ACKR2: variants seen among roughly 807,000 people sequenced by gnomAD.
ACKR2 encodes atypical chemokine receptor 2.
For missense variants in ACKR2, 457 were observed against 477.3 expected, an observed-to-expected ratio of 0.96 and a Z score of 0.40; for synonymous variants, 207 against 192.2, an observed-to-expected ratio of 1.08 and a Z score of -0.64.
At chr3:42,861,275 A>C (rs1485588510) in intron 2 of ACKR2, among the ~76,000 whole-genome samples, 3 of 152,202 alleles carry the variant, frequency 2.0e-5, no homozygotes, top group African/African-American at 7.2e-5. Context: ...GAAATGGATA[A>C]ATTCCTGGAC....
chr3:42,810,772 C>A (rs1453825214), intron 1 of ACKR2, among the ~76,000 whole-genome samples: 1 of 152,226 alleles, frequency 6.6e-6, no homozygotes, highest in Non-Finnish European at 1.5e-5. Context: ...CACCCCTCTG[C>A]GCAAAAGTAA....
rs551444331 is a variant in ACKR2, at chr3:42,865,586, A to C, written c.1084A>C (p.Met362Leu). The C allele has an allele frequency of 3.7e-6, 6 of 1,614,052 alleles. No individual in the cohort carries two copies. Among genetic ancestry groups the C allele is most frequent in the Non-Finnish European group, 5.1e-6 (6 of 1,180,038 alleles). The change falls in exon 3 of 3, where the codon ATG becomes CTG. Residue 362 changes from methionine (M) to leucine (L), a missense_variant. Physicochemically the swap from Met to Leu is conservative, Grantham distance 15. Transcript: ENST00000422265. The part of the protein sequence containing the change: ...ILTAQEEMTG[M>L]NDLGERQSEN... ...TACTGCCCAAGAGGAAATGACTGGC[A>C]TGAATGACCTTGGAGAGAGGCAGTC...
intron 2 of ACKR2, among the ~76,000 whole-genome samples, chr3:42,849,179 G>A (rs1701127075): frequency 6.6e-6 from 1 of 152,152 alleles, no homozygotes; most frequent in African/African-American, 2.4e-5. Flanking sequence ...TTCTTAGTCA[G>A]TACTGTGATT....
At chr3:42,850,111 G>A (rs148767307) in intron 2 of ACKR2, among the ~76,000 whole-genome samples, 18 of 152,202 alleles carry the variant, frequency 1.2e-4, no homozygotes, top group Admixed American at 5.9e-4. Context: ...GGGAGGGACC[G>A]AGGACCCTGT....
intron 2 of ACKR2, chr3:42,856,446 G>C (rs948304276): frequency 1.4e-6 from 1 of 700,264 alleles, no homozygotes; most frequent in East Asian, 2.7e-5. Flanking sequence ...CTGAGGACCC[G>C]AGTCAACATT....
intron 1 of ACKR2, among the ~76,000 whole-genome samples, chr3:42,810,613 T>G (rs146098996): frequency 1.3e-5 from 2 of 152,158 alleles, no homozygotes; most frequent in African/African-American, 4.8e-5. Context: ...CTAAAAAAAA[T>G]CGAATGTTTA....
At chr3:42,815,405 AG>A (rs1282963644) in intron 1 of ACKR2, among the ~76,000 whole-genome samples, 1 of 152,204 alleles carries the variant, frequency 6.6e-6, no homozygotes, top group East Asian at 1.9e-4. Context: ...AGAATTGGCT[AG>A]GGGCCAGGCC....
chr3:42,849,356 GC>G (rs1463488612), intron 2 of ACKR2, among the ~76,000 whole-genome samples: 2 of 152,034 alleles, frequency 1.3e-5, no homozygotes, highest in African/African-American at 4.8e-5. Flanking sequence ...ACAAAGATTA[GC>G]CGGGCATGGT....
At chr3:42,864,413 G>A in intron 2 of ACKR2, 53 bp from the exon 3 acceptor site, 1 of 1,482,158 alleles carries the variant, frequency 6.7e-7, no homozygotes, top group Non-Finnish European at 9.0e-7. Context: ...CAGCAAAAGT[G>A]GGTTTAGAGA....
At chr3:42,833,805 C>T (rs2125609887) in intron 2 of ACKR2, among the ~76,000 whole-genome samples, 1 of 152,100 alleles carries the variant, frequency 6.6e-6, no homozygotes, top group African/African-American at 2.4e-5. Flanking sequence ...TACAGATAAA[C>T]ATATTAGTGA....
At chr3:42,821,315 C>A (rs1013531617) in intron 2 of ACKR2, among the ~76,000 whole-genome samples, 1 of 152,172 alleles carries the variant, frequency 6.6e-6, no homozygotes, top group Admixed American at 6.5e-5. Context: ...TCCTTACATA[C>A]GTGTTCCACT....
chr3:42,860,187 A>AAAAAAAAAAAAAAAC, intron 2 of ACKR2, among the ~76,000 whole-genome samples: 2 of 145,950 alleles, frequency 1.4e-5, no homozygotes, highest in Non-Finnish European at 3.0e-5. Flanking sequence ...AAAAAAAAAA[A>AAAAAAAAAAAAAAAC]AAGCAGGGGA....
chr3:42,856,292 T>A (rs1328952733), intron 2 of ACKR2: 8 of 686,270 alleles, frequency 1.2e-5, no homozygotes, highest in Admixed American at 6.4e-5. Context: ...CTGGTCCAGA[T>A]GCCATCGGAT....
At chr3:42,860,548 A>G (rs1263748592) in intron 2 of ACKR2, among the ~76,000 whole-genome samples, 1 of 152,250 alleles carries the variant, frequency 6.6e-6, no homozygotes, top group African/African-American at 2.4e-5. Context: ...CAGAATATAC[A>G]TTCTTCTCAG....
At chr3:42,862,640 T>A (rs550588433) in intron 2 of ACKR2, among the ~76,000 whole-genome samples, 1 of 152,352 alleles carries the variant, frequency 6.6e-6, no homozygotes, top group South Asian at 2.1e-4. Context: ...GAAAACAGCA[T>A]GGTACTGCTA....
intron 2 of ACKR2, among the ~76,000 whole-genome samples, chr3:42,862,338 C>T (rs541652490): frequency 1.3e-5 from 2 of 152,142 alleles, no homozygotes; most frequent in Non-Finnish European, 2.9e-5. Context: ...GAACTACAAA[C>T]CACTGCTCAA....
chr3:42,848,715 C>T (rs769488541), intron 2 of ACKR2, among the ~76,000 whole-genome samples: 2 of 151,974 alleles, frequency 1.3e-5, no homozygotes, highest in Non-Finnish European at 2.9e-5. Flanking sequence ...TAGCAAGATA[C>T]TTACTAATTA....
intron 2 of ACKR2, among the ~76,000 whole-genome samples, chr3:42,823,132 G>T (rs1700825918): frequency 1.3e-5 from 2 of 152,198 alleles, no homozygotes. Flanking sequence ...TCTTCACTTT[G>T]CTGAAGTGGC....
At chr3:42,832,058 C>A (rs1261079717) in intron 2 of ACKR2, among the ~76,000 whole-genome samples, 4 of 152,112 alleles carry the variant, frequency 2.6e-5, no homozygotes, top group Admixed American at 6.6e-5. Context: ...AAATGAAACA[C>A]AAAACTTTGG....
Sources: allele counts gnomAD v4.1 joint callset (sites outside exome capture counted in the v4.1 genomes callset), GRCh38; gene constraint gnomAD v4.1.1; transcripts MANE v1.5; gene names NCBI Gene and HGNC (gene_info 2026-07-23, HGNC 2026-07-21).